NUDCD1: variants seen among roughly 807,000 people sequenced by gnomAD.
NUDCD1 encodes NudC domain containing 1.
Under a neutral mutation model 67.8 loss-of-function variants are expected in NUDCD1, and 60 were observed. The observed-to-expected ratio is 0.88, with a 90% CI of 0.72 to 1.10. The LOEUF (loss-of-function observed/expected upper bound fraction) is 1.10. Among genes scored for constraint, NUDCD1 ranks in the 50% least tolerant of loss-of-function variants. NUDCD1 has a pLI of 0.00. For missense variants in NUDCD1, 643 were observed against 695.0 expected, an observed-to-expected ratio of 0.93 and a Z score of 0.84; for synonymous variants, 244 against 230.8, an observed-to-expected ratio of 1.06 and a Z score of -0.52.
chr8:109,253,362 T>C (rs1185515883), intron 8 of NUDCD1, among the ~76,000 whole-genome samples: 1 of 152,192 alleles, frequency 6.6e-6, no homozygotes, highest in Non-Finnish European at 1.5e-5. Flanking sequence ...AAGATGGCAA[T>C]GTGATCATAA....
At chr8:109,333,763 C>A in intron 1 of NUDCD1, 130 bp downstream of exon 1, 1 of 966,072 alleles carries the variant, frequency 1.0e-6, no homozygotes, top group Non-Finnish European at 1.6e-6. Flanking sequence ...CAGCGGCCTC[C>A]GTGAGTCCAC....
rs1814754882 is a variant in NUDCD1 at position 109,293,368 on chromosome 8, C to G, written c.616G>C (p.Val206Leu). ...CCTTGATTTTTCTTACTGATAGTGA[C>G]CCACTCCAGAGAAACATAGAAACCA... ...GSGFYVSLEW[V>L]TISKKNQDNK... Residue 206 changes from valine (V) to leucine (L), a missense_variant, in exon 4 of 10, where the codon GTC becomes CTC. By Grantham distance (32) the Val-to-Leu change is conservative. Coordinates refer to ENST00000239690, the MANE Select transcript of NUDCD1 (RefSeq NM_032869.4). The G allele has an allele frequency of 6.4e-7, 1 of 1,570,442 alleles. No homozygotes were observed. Among genetic ancestry groups the G allele is most frequent in the Non-Finnish European group, 8.6e-7 (1 of 1,160,324 alleles).
intron 8 of NUDCD1, among the ~76,000 whole-genome samples, chr8:109,253,850 G>T (rs1362672044): frequency 6.6e-6 from 1 of 151,908 alleles, no homozygotes; most frequent in Non-Finnish European, 1.5e-5. Context: ...ATGAGAAAAA[G>T]AAAAAATATA....
In NUDCD1 at chr8:109,318,772, T is replaced by C. The variant is rs560219999; in HGVS notation, c.273+3537A>G. Among the ~76,000 whole-genome samples, 41 of 152,238 alleles carry C rather than the reference T, an allele frequency of 2.7e-4. No individual in the cohort carries two copies. In the South Asian group the frequency reaches 8.5e-3, roughly 32 times the overall value. ...CCAATACAGAACTCATACCTACACTTGGATTAGAAATAACAGGAGGAAGAC... is the reference window on the plus strand; with the variant it reads ...CCAATACAGAACTCATACCTACACTCGGATTAGAAATAACAGGAGGAAGAC... On this transcript the variant is annotated intron_variant, in intron 2 of 9. Transcript: ENST00000239690.
intron 8 of NUDCD1, among the ~76,000 whole-genome samples, chr8:109,260,666 A>C (rs536399514): frequency 6.6e-6 from 1 of 152,366 alleles, no homozygotes; most frequent in South Asian, 2.1e-4. Flanking sequence ...AATAGTATTA[A>C]GTAGTATTGC....
intron 2 of NUDCD1, among the ~76,000 whole-genome samples, chr8:109,299,210 C>G (rs914753773): frequency 4.6e-5 from 7 of 152,180 alleles, no homozygotes; most frequent in Non-Finnish European, 1.0e-4. Context: ...AAATCGCCAG[C>G]TGAACTTTGT....
intron 8 of NUDCD1, among the ~76,000 whole-genome samples, chr8:109,268,560 A>G (rs1814059977): frequency 6.6e-6 from 1 of 152,190 alleles, no homozygotes; most frequent in African/African-American, 2.4e-5. Context: ...GATCAACAAT[A>G]CTTAGGAGTA....
intron 7 of NUDCD1, among the ~76,000 whole-genome samples, chr8:109,274,409 T>C (rs1814229274): frequency 6.6e-6 from 1 of 152,146 alleles, no homozygotes; most frequent in Admixed American, 6.5e-5. Flanking sequence ...TCTCCACTAC[T>C]GTCACTATTA....
At chr8:109,244,476 T>C (rs576468500) in intron 9 of NUDCD1, among the ~76,000 whole-genome samples, 5 of 152,146 alleles carry the variant, frequency 3.3e-5, no homozygotes, top group Non-Finnish European at 7.4e-5. Context: ...TATGGTTAAA[T>C]TAGTTAACCA....
intron 3 of NUDCD1, among the ~76,000 whole-genome samples, chr8:109,294,186 G>A (rs1814781181): frequency 7.3e-6 from 1 of 136,440 alleles, no homozygotes; most frequent in Non-Finnish European, 1.6e-5. Flanking sequence ...AATAAGATAT[G>A]GACAGTTGAG....
chr8:109,322,541 C>CAAA, intron 1 of NUDCD1, 78 bp from the exon 2 acceptor site: 1 of 817,790 alleles, frequency 1.2e-6, no homozygotes, highest in Non-Finnish European at 1.8e-6. Flanking sequence ...GCCTACAAGG[C>CAAA]AAAAAAAAAA....
intron 2 of NUDCD1, chr8:109,316,570 G>C (rs1815401731): frequency 2.0e-5 from 3 of 152,188 alleles, no homozygotes; most frequent in African/African-American, 7.2e-5. Context: ...TGGAAGAGCT[G>C]TTTTCTGCTA....
At chr8:109,272,309 C>T (rs1814177010) in intron 7 of NUDCD1, among the ~76,000 whole-genome samples, 1 of 151,742 alleles carries the variant, frequency 6.6e-6, no homozygotes, top group Non-Finnish European at 1.5e-5. Flanking sequence ...ATAGATGATA[C>T]AGTTTTTAAA....
chr8:109,297,552 G>A lies in NUDCD1; in HGVS notation c.274-983C>T, dbSNP rs568930686. Among the ~76,000 whole-genome samples, 52 of 152,284 alleles carry A rather than the reference G, an allele frequency of 3.4e-4. 2 individuals carry two copies. In the South Asian group the frequency reaches 0.011, roughly 32 times the overall value. On this transcript the variant is annotated intron_variant, in intron 2 of 9. Coordinates refer to ENST00000239690, the MANE Select transcript of NUDCD1 (RefSeq NM_032869.4). ...TCCCCCTCCGCCTTCTGTCATGTGAGGACGTATTATGCCTCCTTTCTGGAG... is the reference window on the plus strand; with the variant it reads ...TCCCCCTCCGCCTTCTGTCATGTGAAGACGTATTATGCCTCCTTTCTGGAG...
intron 2 of NUDCD1, chr8:109,298,814 CATG>C (rs1229997859): frequency 6.6e-6 from 1 of 152,186 alleles, no homozygotes; most frequent in Non-Finnish European, 1.5e-5. Flanking sequence ...AGCCTCGCAT[CATG>C]ATTTTTTGCT....
intron 1 of NUDCD1, among the ~76,000 whole-genome samples, chr8:109,326,557 C>T (rs937282921): frequency 1.3e-5 from 2 of 152,146 alleles, no homozygotes; most frequent in Non-Finnish European, 2.9e-5. Flanking sequence ...GAACTTTTTA[C>T]AGAGAAGCCA....
intron 2 of NUDCD1, among the ~76,000 whole-genome samples, chr8:109,306,310 C>T (rs1170585283): frequency 2.0e-5 from 3 of 152,100 alleles, no homozygotes; most frequent in African/African-American, 4.8e-5. Context: ...CTTTTATACT[C>T]ACTCTTATTC....
chr8:109,333,500 G>A (rs1815865211), intron 1 of NUDCD1, among the ~76,000 whole-genome samples: 1 of 152,166 alleles, frequency 6.6e-6, no homozygotes, highest in African/African-American at 2.4e-5. Flanking sequence ...GTCCTCCAAG[G>A]AGGTGTGGTT....
chr8:109,260,081 C>T (rs1188221791), intron 8 of NUDCD1, among the ~76,000 whole-genome samples: 1 of 152,162 alleles, frequency 6.6e-6, no homozygotes, highest in Non-Finnish European at 1.5e-5. Flanking sequence ...TACTCAAATA[C>T]ATAAACACTT....
Sources: allele counts gnomAD v4.1 joint callset (sites outside exome capture counted in the v4.1 genomes callset), GRCh38; gene constraint gnomAD v4.1.1; transcripts MANE v1.5; gene names NCBI Gene and HGNC (gene_info 2026-07-23, HGNC 2026-07-21).